The following SUMF1 variants were observed in gnomAD, a reference collection of about 807,000 sequenced individuals.
SUMF1 encodes the protein sulfatase modifying factor 1, also known as formylglycine-generating enzyme.
A neutral mutation model predicts 47.6 loss-of-function variants in SUMF1; 48 were observed. The observed-to-expected ratio is 1.01, with a 90% CI of 0.80 to 1.28. The LOEUF is 1.28. Among genes scored for constraint, SUMF1 ranks in the 50% most tolerant of loss-of-function variants. The pLI is 0.00. For missense variants in SUMF1, 571 were observed against 485.4 expected (o/e 1.18, Z -1.66); for synonymous variants, 230 against 192.1 (o/e 1.20, Z -1.63).
chr3:4,268,225 G>C (rs1034813114), intron 8 of SUMF1, among the ~76,000 whole-genome samples: 2 of 152,098 alleles, frequency 1.3e-5, no homozygotes, highest in South Asian at 4.2e-4. Context: ...ATCACACTCT[G>C]GGGACTGTTG....
chr3:4,464,331 C>T (rs1335217553), intron 1 of SUMF1, among the ~76,000 whole-genome samples: 5 of 151,826 alleles, frequency 3.3e-5, no homozygotes, highest in East Asian at 1.9e-4. Context: ...TTCTTTCTTC[C>T]TCTCCAGGTA....
At chr3:4,236,987 A>C (rs1192122590) in intron 8 of SUMF1, among the ~76,000 whole-genome samples, 1 of 152,148 alleles carries the variant, frequency 6.6e-6, no homozygotes, top group African/African-American at 2.4e-5. Flanking sequence ...AATAGAAATT[A>C]TACTGTATAT....
In SUMF1 at chr3:4,412,701, T is replaced by C. The variant is rs144183033; in HGVS notation, c.841-1723A>G. ...GAGTTCAAGACTAGCCTGGCCAACA[T>C]GGTCAAACCCTGTCTCTACTAAAAA... On this transcript the variant is annotated intron_variant, in intron 6 of 8. Coordinates refer to ENST00000272902, the MANE Select transcript of SUMF1 (RefSeq NM_182760.4). Among the ~76,000 whole-genome samples, 28 of 152,152 alleles carry C rather than the reference T, an allele frequency of 1.8e-4. No homozygotes were observed. In the East Asian group the frequency reaches 5.0e-3, roughly 27 times the overall value.
At chr3:4,123,973 T>C (rs1359852124) in intron 8 of SUMF1, among the ~76,000 whole-genome samples, 1 of 152,192 alleles carries the variant, frequency 6.6e-6, no homozygotes, top group African/African-American at 2.4e-5. Flanking sequence ...TTTGCATTCA[T>C]GTTGGCACTT....
chr3:4,037,523 T>C (rs1694820766), intron 9 of SUMF1, among the ~76,000 whole-genome samples: 1 of 152,232 alleles, frequency 6.6e-6, no homozygotes, highest in African/African-American at 2.4e-5. Flanking sequence ...GATTCTTTTT[T>C]ATACTGGCAT....
intron 8 of SUMF1, among the ~76,000 whole-genome samples, chr3:4,210,224 TC>T (rs1403840385): frequency 6.6e-6 from 1 of 152,110 alleles, no homozygotes; most frequent in Admixed American, 6.6e-5. Context: ...ATGTCAATTC[TC>T]CTCAAAATGT....
At chr3:4,071,228 A>T (rs1695515087) in intron 8 of SUMF1, among the ~76,000 whole-genome samples, 1 of 152,108 alleles carries the variant, frequency 6.6e-6, no homozygotes, top group Non-Finnish European at 1.5e-5. Flanking sequence ...TCCCAGCGAG[A>T]TCGACACAGA....
intron 8 of SUMF1, chr3:4,313,523 A>G: frequency 6.2e-7 from 1 of 1,614,024 alleles, no homozygotes; most frequent in Non-Finnish European, 8.5e-7. Context: ...CTCTCTTATG[A>G]TTATTCAGGA....
In SUMF1 at chr3:4,410,893, T is replaced by G. The variant is rs1165338621; in HGVS notation, c.926A>C (p.His309Pro). Reference protein sequence around the residue: ...WEWTSDWWTVHHSVEETLNPK... With the variant: ...WEWTSDWWTVPHSVEETLNPK... ...GTTAAGCGTTTCTTCAACAGAATGATGAACAGTCCACCAGTCTGAAGTCCA... is the reference window on the plus strand; with the variant it reads ...GTTAAGCGTTTCTTCAACAGAATGAGGAACAGTCCACCAGTCTGAAGTCCA... Residue 309 changes from histidine (H) to proline (P), a missense_variant, in exon 7 of 9, where the codon CAT becomes CCT. Physicochemically the swap from His to Pro is moderately conservative, Grantham distance 77. Coordinates refer to ENST00000272902, the MANE Select transcript of SUMF1 (RefSeq NM_182760.4). The G allele has an allele frequency of 6.2e-7, 1 of 1,614,124 alleles. No individual in the cohort carries two copies. Among genetic ancestry groups the G allele is most frequent in the Non-Finnish European group, 8.5e-7 (1 of 1,179,942 alleles).
chr3:4,329,811 C>T (rs917127078), intron 8 of SUMF1, among the ~76,000 whole-genome samples: 3 of 151,716 alleles, frequency 2.0e-5, no homozygotes, highest in African/African-American at 7.3e-5. Flanking sequence ...ATTTTCCAAA[C>T]TTTTATACTC....
At chr3:4,366,945 C>G (rs1269715447) in intron 8 of SUMF1, among the ~76,000 whole-genome samples, 1 of 152,202 alleles carries the variant, frequency 6.6e-6, no homozygotes, top group African/African-American at 2.4e-5. Context: ...AGACAGGACC[C>G]TCAGCTGCAG....
chr3:4,359,105 A>C (rs1016270621), downstream of SUMF1, among the ~76,000 whole-genome samples: 1 of 152,184 alleles, frequency 6.6e-6, no homozygotes, highest in South Asian at 2.1e-4. Flanking sequence ...TTTCAGGACT[A>C]CACCTATGGC....
At chr3:4,291,437 G>A (rs1559657573) in intron 8 of SUMF1, among the ~76,000 whole-genome samples, 1 of 151,944 alleles carries the variant, frequency 6.6e-6, no homozygotes, top group East Asian at 1.9e-4. Flanking sequence ...ACTCTAAAGT[G>A]CCTTCCTCTC....
chr3:4,433,679 A>G (rs1208788700), intron 3 of SUMF1, among the ~76,000 whole-genome samples: 2 of 152,232 alleles, frequency 1.3e-5, no homozygotes, highest in Non-Finnish European at 2.9e-5. Flanking sequence ...TGCTGCTTTC[A>G]AAAACTAAAT....
intron 9 of SUMF1, among the ~76,000 whole-genome samples, chr3:4,056,013 A>G (rs1259281206): frequency 6.6e-6 from 1 of 152,056 alleles, no homozygotes; most frequent in Admixed American, 6.6e-5. Flanking sequence ...CTGTCTTCCA[A>G]TTCCCTGTTC....
chr3:4,130,062 C>G (rs369159373), intron 8 of SUMF1, among the ~76,000 whole-genome samples: 1 of 152,134 alleles, frequency 6.6e-6, no homozygotes, highest in East Asian at 1.9e-4. Context: ...GGAAGGACTG[C>G]AGAGATTAGT....
chr3:4,379,248 C>T (rs2633850), intron 7 of SUMF1, among the ~76,000 whole-genome samples: 2 of 152,026 alleles, frequency 1.3e-5, no homozygotes, highest in African/African-American at 2.4e-5. Context: ...TGACCTGATT[C>T]GGAAATAGGA....
At chr3:4,378,882 CAAG>C (rs1411599476) in intron 7 of SUMF1, among the ~76,000 whole-genome samples, 2 of 152,072 alleles carry the variant, frequency 1.3e-5, no homozygotes, top group African/African-American at 2.4e-5. Flanking sequence ...GATCTAGGAA[CAAG>C]AAGGAGTTGA....
intron 1 of SUMF1, among the ~76,000 whole-genome samples, chr3:4,462,186 C>G (rs2079830205): frequency 6.6e-6 from 1 of 152,164 alleles, no homozygotes; most frequent in Non-Finnish European, 1.5e-5. Context: ...CTGGATGACT[C>G]TATCCTACTT....
Sources: gnomAD v4.1 joint callset for allele counts (sites outside exome capture counted in the v4.1 genomes callset) on GRCh38, gnomAD v4.1.1 for gene constraint, MANE v1.5 for transcripts, NCBI Gene and HGNC (gene_info 2026-07-23, HGNC 2026-07-21) for gene names.